The following SRCAP variants were observed in gnomAD, a reference collection of about 807,000 sequenced individuals.
The protein encoded by SRCAP is chromatin remodeling protein SRCAP.
In SRCAP, 46 loss-of-function variants were observed where a neutral mutation model predicts 263.1. The observed-to-expected ratio is 0.17, with a 90% CI of 0.14 to 0.22. The LOEUF (loss-of-function observed/expected upper bound fraction) is 0.22. SRCAP is among the 10% of genes least tolerant of loss of function. SRCAP has a pLI of 1.00. For synonymous variants in SRCAP, 1,813 were observed against 1,662.1 expected (o/e 1.09, Z -2.21); for missense variants, 3,695 against 4,181.9 (o/e 0.88, Z 3.21).
In SRCAP at chr16:30,740,035, A is replaced by T; in HGVS notation, c.*302A>T. 1 of 279,006 alleles carries T rather than the reference A, an allele frequency of 3.6e-6. No individual in the cohort carries two copies. 17.3% of individuals were successfully genotyped at this position (279,006 alleles called of 1,614,324 possible). ...GTCTTTCACACAGCCCCCCACCCTT[A>T]GGGGAAGGGGGAGGGGCTTCTCTAC... is the stretch of plus-strand genomic sequence containing the variant. On this transcript the variant is annotated 3_prime_UTR_variant, in exon 34 of 34. Coordinates refer to ENST00000262518, the MANE Select transcript of SRCAP (RefSeq NM_006662.3).
rs369857426 is a variant in SRCAP, at chr16:30,727,059, G to A, written c.5659-1907G>A. 2.8e-4 allele frequency among the ~76,000 whole-genome samples: 42 copies of A among 152,130 alleles called. 1 individual carries two copies. Among genetic ancestry groups the A allele is most frequent in the East Asian group, 9.7e-4 (5 of 5,176 alleles). ...TTACCATGTTTGCCACGCTGGTTTC[G>A]AATTCCACACCTCAAGTGATCTGCC... On this transcript the variant is annotated intron_variant, in intron 25 of 33. Coordinates refer to ENST00000262518, the MANE Select transcript of SRCAP (RefSeq NM_006662.3).
At chr16:30,701,187 A>G (rs1186555336) in intron 3 of SRCAP, 1 of 311,548 alleles carries the variant, frequency 3.2e-6, no homozygotes, top group Non-Finnish European at 6.3e-6. Context: ...TTCTATCAGT[A>G]CTGGAGTAGG....
In SRCAP at chr16:30,736,201, C is replaced by T. The variant is rs769750951; in HGVS notation, c.6731C>T (p.Ala2244Val). The T allele has an allele frequency of 1.9e-6, 3 of 1,614,036 alleles. No homozygotes were observed. The highest frequency in any genetic ancestry group is 1.1e-5 in the South Asian group (1 of 91,030). ...TTTTTCTTTTATACACCCTGGTAGG[C>T]ATTGTGTCGGGCAGAAGATGAAGAG... The part of the protein sequence containing the change: ...ASKQTHILEQ[A>V]LCRAEDEEDI... The change falls in exon 32 of 34, where the codon GCA (alanine) becomes GTA (valine). Residue 2244 changes from alanine (A) to valine (V), a missense_variant and splice_region_variant. This residue lies in a region of SRCAP where 53 missense variants were observed against 45.6 expected (regional missense o/e 1.16). Coordinates refer to ENST00000262518, the MANE Select transcript of SRCAP (RefSeq NM_006662.3).
chr16:30,703,937 T>TATG, intron 3 of SRCAP, 127 bp from the exon 4 acceptor site: 1 of 1,153,568 alleles, frequency 8.7e-7, no homozygotes, highest in Non-Finnish European at 1.2e-6. Flanking sequence ...CGTTTGTGTT[T>TATG]ATGAAAATAA....
rs201361291 is a variant in SRCAP, at chr16:30,710,110, G to T, written c.1116G>T (p.Glu372Asp). The part of the protein sequence containing the change: ...RDGPEEGAEE[E>D]PPQVLEIKPP... ...GGCCTGAAGAAGGTGCTGAAGAAGA[G>T]CCCCCTCAGGTGTTGGAGGTATAGG... The change falls in exon 8 of 34, where the codon GAG becomes GAT. Residue 372 changes from glutamate to aspartate, a missense_variant. By Grantham distance (45) the Glu-to-Asp change is conservative. Transcript: ENST00000262518. The T allele has an allele frequency of 5.1e-5, 83 of 1,613,736 alleles. No homozygotes were observed. Among genetic ancestry groups the T allele is most frequent in the Non-Finnish European group, 6.5e-5 (77 of 1,179,842 alleles).
In SRCAP at chr16:30,711,740, G is replaced by A; in HGVS notation, c.1488G>A (p.Gln496=). The A allele has an allele frequency of 4.3e-6, 7 of 1,612,678 alleles. No homozygotes were observed. Among genetic ancestry groups the A allele is most frequent in the Non-Finnish European group, 5.9e-6 (7 of 1,179,224 alleles). Residue 496 remains glutamine (Q), a synonymous_variant, in exon 11 of 34, where the codon CAG becomes CAA. Transcript: ENST00000262518. The stretch of plus-strand genomic sequence containing the variant: ...CTCCTCAGGAGGATAGTAGCAGTCA[G>A]TCAGGTGAATATGTGGTCATGAAGC... ...EEPPQEDSSS[Q]SDSVEDRSED...
At chr16:30,735,620 G>A (rs1166878952) in intron 31 of SRCAP, among the ~76,000 whole-genome samples, 52 of 104,146 alleles carry the variant, frequency 5.0e-4, no homozygotes, top group Non-Finnish European at 8.1e-4. Context: ...TTGCTCTTTC[G>A]CCCAGGCTAG....
Position 30,729,210 on chromosome 16 carries a change from A to G in SRCAP, c.5903A>G (p.Gln1968Arg). Reference sequence around the variant, plus strand: ...CTGTTTCCCCAGCAGCGACTAGACCAGCTGTCAGAAATCATTGAGAGGTTG... The same window carrying G: ...CTGTTTCCCCAGCAGCGACTAGACCGGCTGTCAGAAATCATTGAGAGGTTG... ...AVLFPQQRLDQLSEIIERFIF... is the reference protein window; with the variant it reads ...AVLFPQQRLDRLSEIIERFIF... Residue 1968 changes from glutamine (Q) to arginine (R), a missense_variant, in exon 26 of 34, where the codon CAG becomes CGG. Coordinates refer to ENST00000262518, the MANE Select transcript of SRCAP (RefSeq NM_006662.3). 5.6e-6 allele frequency: 9 copies of G among 1,608,870 alleles called. No individual in the cohort carries two copies. The highest frequency in any genetic ancestry group is 7.7e-6 in the Non-Finnish European group (9 of 1,176,120).
chr16:30,713,325 A>G lies in SRCAP; in HGVS notation c.2248A>G (p.Asn750Asp), dbSNP rs1185269845. 3 of 1,614,158 alleles carry G rather than the reference A, an allele frequency of 1.9e-6. No individual in the cohort carries two copies. The highest frequency in any genetic ancestry group is 2.5e-6 in the Non-Finnish European group (3 of 1,180,030). Residue 750 changes from asparagine (N) to aspartate (D), a missense_variant, in exon 15 of 34, where the codon AAC (asparagine) becomes GAC (aspartate). Physicochemically the swap from Asn to Asp is conservative, Grantham distance 23. Transcript: ENST00000262518. ...CTATCTCATTCTGGATGAGGCGCAG[A>G]ACATCAAGAACTTCAAGTCACAGCG... ...WRYLILDEAQ[N>D]IKNFKSQRWQ... is the part of the protein sequence containing the mutation.
In SRCAP at chr16:30,733,509, G is replaced by T; in HGVS notation, c.6297+60G>T. ...CTCCGCTTCTCTCTCCTTTTCCCAG[G>T]ATTTGGGCTTCCAGACGGGGTGCCA... On this transcript the variant is annotated intron_variant, in intron 28 of 33. Transcript: ENST00000262518. This position sits in a 1 kb window ranked among gnomAD's most constrained non-coding sequence, Gnocchi z 5.3. 1 of 1,607,894 alleles carries T rather than the reference G, an allele frequency of 6.2e-7. No homozygotes were observed. The highest frequency in any genetic ancestry group is 1.1e-5 in the South Asian group (1 of 90,618).
chr16:30,739,012 ACACTGTCAC>A lies in SRCAP; in HGVS notation c.8984_8992del (p.Thr2995_Thr2997del), dbSNP rs559460451. The A allele has an allele frequency of 1.2e-4, 201 of 1,614,122 alleles. 1 individual carries two copies. In the East Asian group the frequency reaches 2.2e-3, roughly 18 times the overall value. ...GTTTGTCCCACTGCTACTGTTGCCA[ACACTGTCAC>A]CACTGTCACCATTTCAACGTCCCCA... On this transcript the variant is annotated inframe_deletion, in exon 34 of 34. Transcript: ENST00000262518.
chr16:30,704,421 G>A, intron 4 of SRCAP, 106 bp downstream of exon 4: 1 of 1,407,092 alleles, frequency 7.1e-7, no homozygotes, highest in South Asian at 1.4e-5. Flanking sequence ...ATGGATTTAG[G>A]GTATAGGTTC....
intron 16 of SRCAP, 141 bp downstream of exon 16, chr16:30,713,852 GACTA>G (rs1247281278): frequency 8.2e-5 from 59 of 715,732 alleles, no homozygotes. Flanking sequence ...GTGTTCTAGT[GACTA>G]ACCCATTGCC....
rs2053141932 is a variant in SRCAP, at chr16:30,734,568, G to A, written c.6682G>A (p.Glu2228Lys). The A allele has an allele frequency of 6.2e-7, 1 of 1,614,062 alleles. No individual in the cohort carries two copies. The highest frequency in any genetic ancestry group is 2.2e-5 in the East Asian group (1 of 44,858). Residue 2228 changes from glutamate to lysine, a missense_variant, in exon 31 of 34, where the codon GAG becomes AAG. Coordinates refer to ENST00000262518, the MANE Select transcript of SRCAP (RefSeq NM_006662.3). ...CTCATCCGTGCCCTCTGCCCCTGAA[G>A]AGGAGGAAGAGACTGTGGCCAGCAA... ...SSSSVPSAPEEEEETVASKQT... is the reference protein window; with the variant it reads ...SSSSVPSAPEKEEETVASKQT...
Position 30,723,205 on chromosome 16 carries a change from C to T in SRCAP, c.4135C>T (p.His1379Tyr), listed in dbSNP as rs770786657. Residue 1379 changes from histidine (H) to tyrosine (Y), a missense_variant, in exon 24 of 34, where the codon CAC becomes TAC. Physicochemically the swap from His to Tyr is moderately conservative, Grantham distance 83 (BLOSUM62 2). This residue lies in a region of SRCAP where 1,347 missense variants were observed against 1,304.4 expected (regional missense o/e 1.03). Coordinates refer to ENST00000262518, the MANE Select transcript of SRCAP (RefSeq NM_006662.3). ...GGTGAGGCCTCTTCTCAAGCTGGTC[C>T]ACAGTCCTTCACCTGAAGTCAGTGG... ...TLVRPLLKLVHSPSPEVSASA... is the reference protein window; with the variant it reads ...TLVRPLLKLVYSPSPEVSASA... 3 of 1,612,346 alleles carry T rather than the reference C, an allele frequency of 1.9e-6. No homozygotes were observed. Among genetic ancestry groups the T allele is most frequent in the Non-Finnish European group, 2.5e-6 (3 of 1,178,894 alleles).
Position 30,720,225 on chromosome 16 carries a change from G to A in SRCAP, c.2881G>A (p.Asp961Asn), listed in dbSNP as rs1254297000. The stretch of plus-strand genomic sequence containing the variant: ...AGGTCGTGTCTCTCGATATGAGGCA[G>A]ACACATTTCTGCCCCGGCACCGCCT... The part of the protein sequence containing the change: ...LEGRVSRYEA[D>N]TFLPRHRLSR... The change falls in exon 19 of 34, where the codon GAC becomes AAC. Residue 961 changes from aspartate to asparagine, a missense_variant. This residue lies in a region of SRCAP where 147 missense variants were observed against 212.7 expected (regional missense o/e 0.69). Transcript: ENST00000262518. 6.2e-6 allele frequency: 10 copies of A among 1,614,062 alleles called. No homozygotes were observed. The Middle Eastern group carries it at 4.9e-4, about 80-fold the overall frequency.
Position 30,707,580 on chromosome 16 carries a change from C to T in SRCAP, c.501C>T (p.Arg167=). 1.2e-6 allele frequency: 2 copies of T among 1,613,234 alleles called. No homozygotes were observed. The highest frequency in any genetic ancestry group is 1.7e-6 in the Non-Finnish European group (2 of 1,179,636). Residue 167 remains arginine (R), a synonymous_variant, in exon 6 of 34, where the codon CGC becomes CGT. Coordinates refer to ENST00000262518, the MANE Select transcript of SRCAP (RefSeq NM_006662.3). The part of the protein sequence containing the change: ...WKRGVARKVV[R]MVIRHHEEQR... The stretch of plus-strand genomic sequence containing the variant: ...GGTCTTCATTCCCACAGGTGGTGCG[C>T]ATGGTGATCCGGCACCACGAGGAGC...
intron 3 of SRCAP, among the ~76,000 whole-genome samples, chr16:30,703,162 T>TAC (rs1469074185): frequency 1.3e-5 from 2 of 151,134 alleles, no homozygotes; most frequent in African/African-American, 4.9e-5. Flanking sequence ...TATATATATA[T>TAC]ATATATGTAT....
chr16:30,735,915 CTT>C (rs777190973), intron 31 of SRCAP, among the ~76,000 whole-genome samples: 5 of 138,554 alleles, frequency 3.6e-5, no homozygotes, highest in Non-Finnish European at 4.7e-5. Context: ...TCTGTGGTGG[CTT>C]TTTTTTTTTT....
Sources: gnomAD v4.1 joint callset for allele counts (sites outside exome capture counted in the v4.1 genomes callset) on GRCh38, gnomAD v4.1.1 for gene constraint, gnomAD v4.1.1 regional missense constraint, Gnocchi (gnomAD v3.1) non-coding constraint, MANE v1.5 for transcripts, NCBI Gene and HGNC (gene_info 2026-07-23, HGNC 2026-07-21) for gene names.